Variants in MCTP1 observed in about 807,000 individuals in gnomAD.
MCTP1 encodes the protein multiple C2 and transmembrane domain containing 1.
Under a neutral mutation model 120.6 loss-of-function variants are expected in MCTP1, and 69 were observed. That is an observed-to-expected ratio of 0.57 (90% confidence interval 0.47 to 0.70). The LOEUF (loss-of-function observed/expected upper bound fraction) is 0.70, where lower values mean the gene tolerates loss of function less well. MCTP1 is among the 30% of genes least tolerant of loss of function. The pLI is 0.00. For synonymous variants in MCTP1, 529 were observed against 493.1 expected (o/e 1.07, Z -0.96); for missense variants, 1,203 against 1,248.8 (o/e 0.96, Z 0.55).
intron 18 of MCTP1, among the ~76,000 whole-genome samples, chr5:94,787,229 G>C (rs1169834911): frequency 6.6e-6 from 1 of 152,136 alleles, no homozygotes; most frequent in Non-Finnish European, 1.5e-5. Context: ...AATATCTATG[G>C]ATATGACCTG....
chr5:95,264,406 T>G (rs1270328395), intron 1 of MCTP1, among the ~76,000 whole-genome samples: 5 of 152,352 alleles, frequency 3.3e-5, no homozygotes, highest in African/African-American at 9.6e-5. Flanking sequence ...ATGCTCGTTT[T>G]ATATTAAAAA....
intron 9 of MCTP1, among the ~76,000 whole-genome samples, chr5:94,909,881 A>G (rs1807985562): frequency 6.6e-6 from 1 of 151,974 alleles, no homozygotes; most frequent in African/African-American, 2.4e-5. Context: ...CAGGAGAAAA[A>G]CGCAAGTAGC....
intron 1 of MCTP1, among the ~76,000 whole-genome samples, chr5:95,196,740 G>C (rs1750442308): frequency 6.6e-6 from 1 of 152,168 alleles, no homozygotes. Context: ...GGGGGAGAGT[G>C]TCCATCCTGA....
At chr5:95,223,286 T>C (rs534695991) in intron 1 of MCTP1, among the ~76,000 whole-genome samples, 9 of 151,970 alleles carry the variant, frequency 5.9e-5, no homozygotes, top group African/African-American at 2.2e-4. Flanking sequence ...ACCCCATCTC[T>C]ACAAAAAATA....
At chr5:95,200,012 T>TTA (rs1055160730) in intron 1 of MCTP1, among the ~76,000 whole-genome samples, 1 of 151,546 alleles carries the variant, frequency 6.6e-6, no homozygotes, top group Non-Finnish European at 1.5e-5. Context: ...AATACAAAAA[T>TTA]TATCCAAGGG....
rs73776313 is a variant in MCTP1 at position 95,195,323 on chromosome 5, A to G, written c.720+88533T>C. On this transcript the variant is annotated intron_variant, in intron 1 of 22. Transcript: ENST00000515393. ...CTGCTTTCTATTTCATACCACCCAGAGAAGGTCAGAGGGAATGGGAAAGTA... is the reference window on the plus strand; with the variant it reads ...CTGCTTTCTATTTCATACCACCCAGGGAAGGTCAGAGGGAATGGGAAAGTA... Among the ~76,000 whole-genome samples, 1,080 of 152,260 alleles carry G rather than the reference A, an allele frequency of 7.1e-3. 14 individuals carry two copies. Among genetic ancestry groups the G allele is most frequent in the African/African-American group, 0.024 (999 of 41,562 alleles).
At chr5:94,836,472 A>G (rs1429073982) in intron 17 of MCTP1, among the ~76,000 whole-genome samples, 1 of 152,168 alleles carries the variant, frequency 6.6e-6, no homozygotes, top group Non-Finnish European at 1.5e-5. Flanking sequence ...TCATTGCTGT[A>G]TTTCTTCACC....
At chr5:95,226,912 C>T (rs1263853233) in intron 1 of MCTP1, among the ~76,000 whole-genome samples, 3 of 151,998 alleles carry the variant, frequency 2.0e-5, no homozygotes, top group African/African-American at 4.8e-5. Flanking sequence ...TATGCAATAT[C>T]AGATAAAGGG....
At chr5:95,140,319 G>C (rs1425678057) in intron 1 of MCTP1, among the ~76,000 whole-genome samples, 1 of 152,126 alleles carries the variant, frequency 6.6e-6, no homozygotes, top group East Asian at 1.9e-4. Flanking sequence ...TATTGAAGGT[G>C]TTTAAGGCAA....
intron 1 of MCTP1, among the ~76,000 whole-genome samples, chr5:95,267,253 T>C (rs576087214): frequency 3.5e-4 from 54 of 152,320 alleles, no homozygotes; most frequent in African/African-American, 1.3e-3. Flanking sequence ...CCAAAGTTTT[T>C]CATTTTTTTC....
At chr5:94,798,027 C>G (rs935210720) in intron 18 of MCTP1, among the ~76,000 whole-genome samples, 2 of 150,754 alleles carry the variant, frequency 1.3e-5, no homozygotes, top group African/African-American at 2.4e-5. Flanking sequence ...ATTATGGGCA[C>G]AGTAGTAGGC....
chr5:95,220,885 A>G (rs1193645252), intron 1 of MCTP1, among the ~76,000 whole-genome samples: 1 of 152,228 alleles, frequency 6.6e-6, no homozygotes, highest in East Asian at 1.9e-4. Context: ...ATCTCCCTTA[A>G]TGATTTAGAA....
intron 1 of MCTP1, among the ~76,000 whole-genome samples, chr5:95,142,148 T>C (rs773807002): frequency 6.6e-6 from 1 of 152,212 alleles, no homozygotes; most frequent in Admixed American, 6.5e-5. Context: ...ATGTTTCTAA[T>C]GCAGGTCTCA....
intron 1 of MCTP1, among the ~76,000 whole-genome samples, chr5:95,230,015 C>T (rs767095854): frequency 6.6e-6 from 1 of 152,006 alleles, no homozygotes; most frequent in Non-Finnish European, 1.5e-5. Flanking sequence ...AAGGAGGCCT[C>T]CAGAACTAAG....
chr5:95,026,737 T>C (rs769086556), intron 1 of MCTP1, among the ~76,000 whole-genome samples: 3 of 152,168 alleles, frequency 2.0e-5, no homozygotes, highest in Non-Finnish European at 2.9e-5. Context: ...CCATGCCAAG[T>C]GGATTGTAGA....
At position 95,284,583 on chromosome 5, in the gene MCTP1, C is replaced by G; in HGVS notation, c.-8G>C. 7.0e-7 allele frequency: 1 copy of G among 1,418,968 alleles called. No individual in the cohort carries two copies. The highest frequency in any genetic ancestry group is 9.1e-7 in the Non-Finnish European group (1 of 1,099,620). The allele number at this position is 1,418,968 out of a possible 1,614,324, so 87.9% of individuals were successfully genotyped here. A position where few individuals can be genotyped will look rare whatever the true frequency, so the allele number is the denominator to read the frequency against. ...GGCAGCCCGGGGCTCCATCCTCCAC[C>G]CCCTGCTCCTCCTCTCCCCTCCTCC... On this transcript the variant is annotated 5_prime_UTR_variant, in exon 1 of 23. Transcript: ENST00000515393. The surrounding 1 kb of genome is among the most constrained non-coding windows in gnomAD (Gnocchi z 5.2).
intron 1 of MCTP1, among the ~76,000 whole-genome samples, chr5:95,196,826 A>T (rs1044651722): frequency 6.6e-6 from 1 of 152,182 alleles, no homozygotes; most frequent in Non-Finnish European, 1.5e-5. Context: ...ATCACCTATA[A>T]GGAAGATTTT....
chr5:95,096,638 T>C (rs999927524), intron 1 of MCTP1, among the ~76,000 whole-genome samples: 1 of 152,188 alleles, frequency 6.6e-6, no homozygotes, highest in Non-Finnish European at 1.5e-5. Context: ...GAAGAAGCTC[T>C]AATTCGTGCA....
chr5:94,894,569 A>G (rs1327916713), intron 11 of MCTP1, 80 bp downstream of exon 11: 2 of 1,060,290 alleles, frequency 1.9e-6, no homozygotes, highest in South Asian at 2.4e-5. Flanking sequence ...TCTCAGAAGT[A>G]CTTCTGTCCC....
Sources: gnomAD v4.1 joint callset for allele counts (sites outside exome capture counted in the v4.1 genomes callset) on GRCh38, gnomAD v4.1.1 for gene constraint, Gnocchi (gnomAD v3.1) non-coding constraint, MANE v1.5 for transcripts, NCBI Gene and HGNC (gene_info 2026-07-23, HGNC 2026-07-21) for gene names.